Variants in CNIH3 observed in about 807,000 individuals in gnomAD.
The protein encoded by CNIH3 is cornichon family AMPA receptor auxiliary protein 3.
Under a neutral mutation model 24.1 loss-of-function variants are expected in CNIH3, and 14 were observed. The ratio of observed to expected loss-of-function variants is 0.58; its 90% CI spans 0.38 to 0.91. The LOEUF is 0.91. CNIH3 is among the 40% of genes least tolerant of loss of function. The probability of loss-of-function intolerance (pLI) is 0.00; values close to 1 mark genes in which losing one functional copy is unlikely to be tolerated. For missense variants in CNIH3, 178 were observed against 196.8 expected (o/e 0.90, Z 0.57); for synonymous variants, 68 against 73.8 (o/e 0.92, Z 0.40).
intron 1 of CNIH3, among the ~76,000 whole-genome samples, chr1:224,446,171 A>G (rs930098113): frequency 2.7e-5 from 4 of 146,958 alleles, no homozygotes; most frequent in Non-Finnish European, 6.0e-5. Context: ...CTGTAATTTT[A>G]TAGTAAGTTT....
chr1:224,661,726 G>A (rs768122719), intron 1 of CNIH3: 6 of 199,060 alleles, frequency 3.0e-5, no homozygotes, highest in Non-Finnish European at 6.3e-5. Flanking sequence ...GCATCTGACA[G>A]CACCTCACGT....
chr1:224,542,620 T>C (rs1679554483), intron 2 of CNIH3, among the ~76,000 whole-genome samples: 1 of 152,112 alleles, frequency 6.6e-6, no homozygotes, highest in Non-Finnish European at 1.5e-5. Context: ...ATATTTACTC[T>C]AAGGATATGA....
chr1:224,568,820 G>A (rs377429503), intron 4 of CNIH3, among the ~76,000 whole-genome samples: 1 of 152,142 alleles, frequency 6.6e-6, no homozygotes, highest in Non-Finnish European at 1.5e-5. Flanking sequence ...ATGCCCTGTA[G>A]AATCTGTCTT....
intron 1 of CNIH3, among the ~76,000 whole-genome samples, chr1:224,620,870 A>G (rs971785961): frequency 2.0e-5 from 3 of 152,202 alleles, no homozygotes; most frequent in African/African-American, 4.8e-5. Context: ...TTTAGAAGGA[A>G]AAAAAAGCGT....
chr1:224,485,351 C>T (rs909031826), intron 1 of CNIH3, among the ~76,000 whole-genome samples: 2 of 152,204 alleles, frequency 1.3e-5, no homozygotes, highest in African/African-American at 4.8e-5. Flanking sequence ...AGAAGAGAAG[C>T]TCCTTTGTAG....
intron 3 of CNIH3, among the ~76,000 whole-genome samples, chr1:224,605,265 A>C (rs1409121203): frequency 6.6e-6 from 1 of 152,110 alleles, no homozygotes; most frequent in Non-Finnish European, 1.5e-5. Flanking sequence ...CCAGGGACCC[A>C]CCCCTATCTG....
At chr1:224,601,302 T>C (rs1200788712) in intron 3 of CNIH3, among the ~76,000 whole-genome samples, 5 of 152,204 alleles carry the variant, frequency 3.3e-5, no homozygotes, top group African/African-American at 1.2e-4. Context: ...GTGTGTTTAC[T>C]GGAGTTGTAC....
At chr1:224,603,788 T>C (rs1388872015) in intron 3 of CNIH3, among the ~76,000 whole-genome samples, 1 of 152,228 alleles carries the variant, frequency 6.6e-6, no homozygotes, top group Non-Finnish European at 1.5e-5. Flanking sequence ...GTTTGGATGA[T>C]ACTCTAGGCT....
chr1:224,513,182 T>C (rs564056460), upstream of CNIH3, among the ~76,000 whole-genome samples: 55 of 152,074 alleles, frequency 3.6e-4, no homozygotes, highest in African/African-American at 1.2e-3. Flanking sequence ...TTTTAAACAG[T>C]GGATCTTGCT....
At chr1:224,507,913 A>G (rs1677984681) in intron 1 of CNIH3, among the ~76,000 whole-genome samples, 1 of 152,232 alleles carries the variant, frequency 6.6e-6, no homozygotes, top group Non-Finnish European at 1.5e-5. Flanking sequence ...TACAGGTTTG[A>G]TACCTGAGGG....
At chr1:224,582,562 A>C (rs1418389441) in intron 4 of CNIH3, among the ~76,000 whole-genome samples, 1 of 152,232 alleles carries the variant, frequency 6.6e-6, no homozygotes, top group African/African-American at 2.4e-5. Context: ...TTACGTGTAC[A>C]TGTAATGAAA....
intron 3 of CNIH3, among the ~76,000 whole-genome samples, chr1:224,687,733 A>G (rs1686730622): frequency 6.6e-6 from 1 of 152,222 alleles, no homozygotes; most frequent in South Asian, 2.1e-4. Flanking sequence ...GTAACAGACC[A>G]ATACACTGAG....
downstream of CNIH3, among the ~76,000 whole-genome samples, chr1:224,590,690 T>TA (rs1228037198): frequency 6.6e-6 from 1 of 152,152 alleles, no homozygotes; most frequent in Non-Finnish European, 1.5e-5. Context: ...CACCCCCCCT[T>TA]AGGTCTCATC....
intron 1 of CNIH3, among the ~76,000 whole-genome samples, chr1:224,510,601 AAAAAAAAC>A (rs1469156485): frequency 1.0e-5 from 1 of 97,584 alleles, no homozygotes; most frequent in Non-Finnish European, 2.2e-5. Context: ...TGTCTCAAAA[AAAAAAAAC>A]AAAAAAAAAA....
intron 3 of CNIH3, among the ~76,000 whole-genome samples, chr1:224,718,677 GA>G (rs1688558797): frequency 3.9e-5 from 6 of 152,088 alleles, no homozygotes; most frequent in Admixed American, 3.9e-4. Context: ...GGGATGAGAG[GA>G]GGAGGAAGAG....
At chr1:224,512,787 A>G (rs57898225), upstream of CNIH3, among the ~76,000 whole-genome samples, 1,313 of 151,678 alleles carry the variant, frequency 8.7e-3, 17 homozygotes, top group African/African-American at 0.03. Flanking sequence ...CTCCCTGTTC[A>G]TGTGTGGGCC....
intron 1 of CNIH3, chr1:224,661,532 C>A: frequency 2.9e-6 from 1 of 339,626 alleles, no homozygotes; most frequent in South Asian, 3.1e-5. Context: ...AAGAAGTCCT[C>A]AAATAGATTT....
intron 1 of CNIH3, among the ~76,000 whole-genome samples, chr1:224,659,479 C>T (rs990600850): frequency 6.6e-6 from 1 of 152,098 alleles, no homozygotes; most frequent in Non-Finnish European, 1.5e-5. Context: ...GTGATTGCTT[C>T]TCCTTATGGG....
chr1:224,516,801 T>C (rs980140854), intron 1 of CNIH3, among the ~76,000 whole-genome samples: 8 of 152,220 alleles, frequency 5.3e-5, no homozygotes. Context: ...TCTGCCATCA[T>C]CGCATCATCC....
Sources: gnomAD v4.1 joint callset for allele counts (sites outside exome capture counted in the v4.1 genomes callset) on GRCh38, gnomAD v4.1.1 for gene constraint, MANE v1.5 for transcripts, NCBI Gene and HGNC (gene_info 2026-07-23, HGNC 2026-07-21) for gene names.